Variants in GRID2 observed in about 807,000 individuals in gnomAD.
GRID2 encodes the protein glutamate receptor ionotropic, delta-2.
A neutral mutation model predicts 114.8 loss-of-function variants in GRID2; 33 were observed. The observed-to-expected ratio is 0.29, with a 90% CI of 0.22 to 0.38. GRID2 has a LOEUF of 0.38. Ranked by LOEUF, GRID2 falls within the 10% of genes least tolerant of loss-of-function variation. GRID2 has a pLI of 1.00. For synonymous variants in GRID2, 505 were observed against 449.9 expected, an observed-to-expected ratio of 1.12 and a Z score of -1.55; for missense variants, 1,184 against 1,257.7, an observed-to-expected ratio of 0.94 and a Z score of 0.89.
At chr4:92,488,168 C>G (rs973489986) in intron 1 of GRID2, among the ~76,000 whole-genome samples, 3 of 152,102 alleles carry the variant, frequency 2.0e-5, no homozygotes, top group South Asian at 2.1e-4. Flanking sequence ...TAATCTAATA[C>G]TCAATTCCTG....
intron 13 of GRID2, among the ~76,000 whole-genome samples, chr4:93,555,196 C>T (rs565891840): frequency 1.1e-3 from 167 of 152,290 alleles, no homozygotes; most frequent in Non-Finnish European, 2.0e-3. Flanking sequence ...TGGGCAGATA[C>T]CAAGCTAGCT....
chr4:92,524,743 G>A lies in GRID2; in HGVS notation c.89-65388G>A, dbSNP rs141666467. On this transcript the variant is annotated intron_variant, in intron 1 of 15. Transcript: ENST00000282020. ...AGGTGACAACAGGGGCTCAGAGAGTGGGAGTGAAAACCTAATATATTCACA... is the reference window on the plus strand; with the variant it reads ...AGGTGACAACAGGGGCTCAGAGAGTAGGAGTGAAAACCTAATATATTCACA... Among the ~76,000 whole-genome samples, 6 of 152,014 alleles carry A rather than the reference G, an allele frequency of 3.9e-5. No homozygotes were observed. In the East Asian group the frequency reaches 1.2e-3, roughly 30 times the overall value.
chr4:92,756,482 A>T (rs2149342362), intron 2 of GRID2, among the ~76,000 whole-genome samples: 1 of 152,256 alleles, frequency 6.6e-6, no homozygotes, highest in South Asian at 2.1e-4. Context: ...TATTCAATCA[A>T]ATAGTAGTTC....
At chr4:92,965,439 C>A (rs202143642) in intron 2 of GRID2, among the ~76,000 whole-genome samples, 5 of 70,324 alleles carry the variant, frequency 7.1e-5, no homozygotes, top group Admixed American at 1.6e-4. Context: ...TTGCCATAAA[C>A]ATTCAATTTG....
chr4:92,541,992 C>CT (rs1399217379), intron 1 of GRID2, among the ~76,000 whole-genome samples: 2 of 151,846 alleles, frequency 1.3e-5, no homozygotes, highest in Non-Finnish European at 2.9e-5. Flanking sequence ...TGTTTGTGTT[C>CT]TTTTTTATTT....
chr4:92,985,321 T>A (rs1409006197), intron 2 of GRID2, among the ~76,000 whole-genome samples: 1 of 151,686 alleles, frequency 6.6e-6, no homozygotes, highest in Non-Finnish European at 1.5e-5. Flanking sequence ...CCTCCCGGGT[T>A]CCCGCCATTC....
chr4:92,513,234 A>G (rs1270404476), intron 1 of GRID2, among the ~76,000 whole-genome samples: 5 of 151,850 alleles, frequency 3.3e-5, no homozygotes, highest in Admixed American at 6.6e-5. Flanking sequence ...TTACAACATT[A>G]TTATTCAATA....
intron 14 of GRID2, among the ~76,000 whole-genome samples, chr4:93,729,401 T>A (rs1479265917): frequency 6.6e-6 from 1 of 152,176 alleles, no homozygotes; most frequent in Non-Finnish European, 1.5e-5. Flanking sequence ...TTTCCAGGTA[T>A]TACTGGAATA....
intron 8 of GRID2, among the ~76,000 whole-genome samples, chr4:93,358,072 T>C (rs917757814): frequency 6.6e-6 from 1 of 151,836 alleles, no homozygotes; most frequent in African/African-American, 2.4e-5. Flanking sequence ...GATAGTTTCA[T>C]TGGACTTATC....
Position 92,354,540 on chromosome 4 carries a change from T to A in GRID2, c.88+49796T>A, listed in dbSNP as rs1728225030. On this transcript the variant is annotated intron_variant, in intron 1 of 15. Transcript: ENST00000282020. ...ATGCCTTTTACTTTTTCTTAATGTT[T>A]TAGCTAATTTTAAAAGAATATATTA... Among the ~76,000 whole-genome samples, 3 of 152,124 alleles carry A rather than the reference T, an allele frequency of 2.0e-5. No homozygotes were observed. In the South Asian group the frequency reaches 6.2e-4, roughly 32 times the overall value.
chr4:93,581,183 A>C (rs1227656113), intron 13 of GRID2, among the ~76,000 whole-genome samples: 4 of 149,824 alleles, frequency 2.7e-5, no homozygotes, highest in Non-Finnish European at 5.9e-5. Flanking sequence ...CTTATGAGCA[A>C]GAACATGCAT....
chr4:93,535,267 CA>C (rs1731936745), intron 13 of GRID2, among the ~76,000 whole-genome samples: 22 of 146,374 alleles, frequency 1.5e-4, no homozygotes, highest in Admixed American at 1.2e-3. Context: ...CACACACACA[CA>C]CACCACATTT....
intron 14 of GRID2, among the ~76,000 whole-genome samples, chr4:93,710,052 C>T (rs1023190578): frequency 6.6e-6 from 1 of 152,208 alleles, no homozygotes; most frequent in African/African-American, 2.4e-5. Flanking sequence ...AGCTCTGTCA[C>T]TCCAGGATTG....
chr4:92,753,490 CT>C (rs1737555149), intron 2 of GRID2, among the ~76,000 whole-genome samples: 1 of 152,180 alleles, frequency 6.6e-6, no homozygotes, highest in Admixed American at 6.5e-5. Context: ...CTTATGCATC[CT>C]GTTTTCATAG....
At chr4:92,462,015 A>G (rs975112561) in intron 1 of GRID2, among the ~76,000 whole-genome samples, 2 of 152,050 alleles carry the variant, frequency 1.3e-5, no homozygotes, top group Non-Finnish European at 2.9e-5. Context: ...TGCATGGAGC[A>G]TTACAAGATA....
At chr4:93,332,295 T>TGAGAGAGAGAGAGAGAGAGAGA (rs1353456848) in intron 8 of GRID2, among the ~76,000 whole-genome samples, 83 of 128,948 alleles carry the variant, frequency 6.4e-4, no homozygotes, top group African/African-American at 2.7e-3. Flanking sequence ...TGTGTGTGTG[T>TGAGAGAGAGAGAGAGAGAGAGA]GTGTGAGAGA....
At chr4:92,651,064 G>A (rs866361394) in intron 2 of GRID2, among the ~76,000 whole-genome samples, 1 of 152,074 alleles carries the variant, frequency 6.6e-6, no homozygotes, top group African/African-American at 2.4e-5. Context: ...TCATTGATCA[G>A]AAACAATGCT....
At chr4:92,452,661 T>G (rs1175352663) in intron 1 of GRID2, among the ~76,000 whole-genome samples, 1 of 151,940 alleles carries the variant, frequency 6.6e-6, no homozygotes, top group African/African-American at 2.4e-5. Flanking sequence ...TTTATGAAGT[T>G]TTCTGTGCTA....
chr4:93,486,766 A>G (rs545823002), intron 11 of GRID2, among the ~76,000 whole-genome samples: 1 of 151,894 alleles, frequency 6.6e-6, no homozygotes, highest in African/African-American at 2.4e-5. Context: ...ATCTACAATC[A>G]TGTGAAAGAT....
Sources: allele counts gnomAD v4.1 joint callset (sites outside exome capture counted in the v4.1 genomes callset), GRCh38; gene constraint gnomAD v4.1.1; transcripts MANE v1.5; gene names NCBI Gene and HGNC (gene_info 2026-07-23, HGNC 2026-07-21).